ARHGAP32: variants seen among roughly 807,000 people sequenced by gnomAD.
ARHGAP32 encodes the protein rho GTPase-activating protein 32.
ARHGAP32 carries 51 observed loss-of-function variants against 186.5 expected under a neutral mutation model. The observed-to-expected ratio is 0.27, with a 90% confidence interval of 0.22 to 0.35. The LOEUF is 0.35. Ranked by LOEUF, ARHGAP32 falls within the 10% of genes least tolerant of loss-of-function variation. The pLI is 1.00. For synonymous variants in ARHGAP32, 950 were observed against 964.3 expected (o/e 0.99, Z 0.27); for missense variants, 2,186 against 2,623.5 (o/e 0.83, Z 3.64).
At chr11:129,121,483 C>A (rs1209184205) in intron 5 of ARHGAP32, among the ~76,000 whole-genome samples, 1 of 151,978 alleles carries the variant, frequency 6.6e-6, no homozygotes, top group Non-Finnish European at 1.5e-5. Context: ...AGAGCTGTGC[C>A]AAGTAGAGGA....
At position 129,249,210 on chromosome 11, in the gene ARHGAP32, C is replaced by CA. The variant is rs199522521; in HGVS notation, c.-5+29935dup. On this transcript the variant is annotated intron_variant, in intron 1 of 6. Transcript: ENST00000525234. ...ATATAAAGACACTACTGAGACACAC[C>CA]AAAAAAAAACTTTGCAGTCTATAAG... Among the ~76,000 whole-genome samples the CA allele has an allele frequency of 1.2e-3, 178 of 149,200 alleles. 1 individual carries two copies. The highest frequency in any genetic ancestry group is 4.0e-3 in the African/African-American group (164 of 40,576).
chr11:129,124,482 C>T (rs925272641), intron 3 of ARHGAP32, among the ~76,000 whole-genome samples: 3 of 152,092 alleles, frequency 2.0e-5, no homozygotes, highest in Non-Finnish European at 4.4e-5. Context: ...ATAACTCAAA[C>T]AATAAAGCTG....
At chr11:129,118,384 C>T (rs1471355393) in intron 5 of ARHGAP32, among the ~76,000 whole-genome samples, 5 of 151,756 alleles carry the variant, frequency 3.3e-5, no homozygotes, top group Non-Finnish European at 7.4e-5. Flanking sequence ...AAAGTTTATG[C>T]TTAGAAATTA....
chr11:128,972,526 C>A lies in ARHGAP32; in HGVS notation c.3980G>T (p.Arg1327Ile). Reference sequence around the variant, plus strand: ...CACAACTGGTGGCTGCTCTGCAGATCTCTGGGAAGGCGGAGGGGGAAGGGG... The same window carrying A: ...CACAACTGGTGGCTGCTCTGCAGATATCTGGGAAGGCGGAGGGGGAAGGGG... The part of the protein sequence containing the change: ...NRPLPPPPSQ[R>I]SAEQPPVVGQ... The change falls in exon 22 of 23, where the codon AGA (arginine) becomes ATA (isoleucine). Residue 1327 changes from arginine to isoleucine, a missense_variant. This residue lies in a region of ARHGAP32 where 1,502 missense variants were observed against 1,570.0 expected (regional missense o/e 0.96). Coordinates refer to ENST00000682385, the MANE Select transcript of ARHGAP32 (RefSeq NM_001378024.1). 1 of 1,556,144 alleles carries A rather than the reference C, an allele frequency of 6.4e-7. No homozygotes were observed. The highest frequency in any genetic ancestry group is 8.7e-7 in the Non-Finnish European group (1 of 1,149,540).
chr11:129,039,368 T>C (rs910040817), intron 11 of ARHGAP32, among the ~76,000 whole-genome samples: 3 of 152,242 alleles, frequency 2.0e-5, no homozygotes, highest in African/African-American at 7.2e-5. Context: ...AATGAAATGT[T>C]ATCCAGCTAT....
At chr11:129,011,434 G>A (rs773654373) in intron 11 of ARHGAP32, among the ~76,000 whole-genome samples, 11 of 152,108 alleles carry the variant, frequency 7.2e-5, no homozygotes, top group South Asian at 2.1e-4. Flanking sequence ...ACAGGGTGAC[G>A]TATTAGTGAC....
At chr11:129,092,513 CTT>C (rs1941608273) in intron 6 of ARHGAP32, among the ~76,000 whole-genome samples, 1 of 151,834 alleles carries the variant, frequency 6.6e-6, no homozygotes. Context: ...TGACATGAAA[CTT>C]AGTAATTAAG....
At chr11:128,998,804 G>T (rs1210720900) in intron 11 of ARHGAP32, among the ~76,000 whole-genome samples, 2 of 152,130 alleles carry the variant, frequency 1.3e-5, no homozygotes, top group African/African-American at 4.8e-5. Flanking sequence ...TGTCTTTACT[G>T]CAATCTCTGA....
At chr11:129,011,566 G>T (rs1169366256) in intron 11 of ARHGAP32, among the ~76,000 whole-genome samples, 1 of 152,094 alleles carries the variant, frequency 6.6e-6, no homozygotes, top group Non-Finnish European at 1.5e-5. Context: ...GAGGCTCAAG[G>T]GGTATGTAAA....
intron 10 of ARHGAP32, among the ~76,000 whole-genome samples, chr11:129,052,498 T>TTG (rs776301314): frequency 3.3e-5 from 5 of 152,202 alleles, no homozygotes; most frequent in Non-Finnish European, 5.9e-5. Context: ...TCTTAAAAAA[T>TTG]ATACAGTCTT....
At position 129,209,634 on chromosome 11, in the gene ARHGAP32, A is replaced by T. The variant is rs191512816; in HGVS notation, c.-4-45207T>A. Among the ~76,000 whole-genome samples the T allele has an allele frequency of 1.8e-4, 27 of 150,446 alleles. No homozygotes were observed. The East Asian group carries it at 4.9e-3, about 27-fold the overall frequency. On this transcript the variant is annotated intron_variant, in intron 1 of 6. Transcript: ENST00000525234. ...AAAGCCATCATTTTTCTCAAAACTG[A>T]AACACTGGTTCTATTCCTGGTTTAC...
At chr11:129,074,800 T>A (rs531002185) in intron 6 of ARHGAP32, among the ~76,000 whole-genome samples, 19 of 152,102 alleles carry the variant, frequency 1.2e-4, no homozygotes, top group African/African-American at 2.9e-4. Context: ...CCTAAAAAAA[T>A]TTTTTTTAAT....
intron 1 of ARHGAP32, among the ~76,000 whole-genome samples, chr11:129,178,510 G>C (rs1237826284): frequency 2.6e-5 from 4 of 152,256 alleles, no homozygotes; most frequent in African/African-American, 7.2e-5. Context: ...AAAGAACAAA[G>C]CCGGAGACAT....
At chr11:129,254,449 T>C (rs776549044) in intron 1 of ARHGAP32, among the ~76,000 whole-genome samples, 24 of 152,206 alleles carry the variant, frequency 1.6e-4, no homozygotes, top group African/African-American at 5.1e-4. Flanking sequence ...ATGGTCACTT[T>C]TGAAGATAAA....
intron 1 of ARHGAP32, among the ~76,000 whole-genome samples, chr11:129,250,868 T>C (rs556646538): frequency 6.6e-6 from 1 of 152,288 alleles, no homozygotes; most frequent in South Asian, 2.1e-4. Context: ...ACATATGTCA[T>C]ACCTCACACT....
intron 1 of ARHGAP32, among the ~76,000 whole-genome samples, chr11:129,199,219 A>AG (rs1199082282): frequency 6.6e-6 from 1 of 152,246 alleles, no homozygotes; most frequent in Non-Finnish European, 1.5e-5. Flanking sequence ...ATGCAACAGA[A>AG]AAGAAAAACC....
chr11:129,138,081 C>T (rs1942972526), intron 2 of ARHGAP32, among the ~76,000 whole-genome samples: 1 of 151,700 alleles, frequency 6.6e-6, no homozygotes, highest in Admixed American at 6.6e-5. Flanking sequence ...AACTGAGTGA[C>T]AGAATTCAAA....
intron 1 of ARHGAP32, among the ~76,000 whole-genome samples, chr11:129,178,680 C>A (rs569027820): frequency 6.6e-6 from 1 of 152,236 alleles, no homozygotes; most frequent in South Asian, 2.1e-4. Context: ...CTGAGAAGAA[C>A]AAGCAATGGG....
chr11:128,993,562 G>A (rs1475795918), intron 12 of ARHGAP32, among the ~76,000 whole-genome samples: 1 of 151,386 alleles, frequency 6.6e-6, no homozygotes, highest in Non-Finnish European at 1.5e-5. Flanking sequence ...TTATTTTAGA[G>A]TTTAAAATAT....
Sources: gnomAD v4.1 joint callset for allele counts (sites outside exome capture counted in the v4.1 genomes callset) on GRCh38, gnomAD v4.1.1 for gene constraint, gnomAD v4.1.1 regional missense constraint, MANE v1.5 for transcripts, NCBI Gene and HGNC (gene_info 2026-07-23, HGNC 2026-07-21) for gene names.